Variants in TNS3 observed in about 807,000 individuals in gnomAD.
TNS3 encodes tensin 3.
A neutral mutation model predicts 140.9 loss-of-function variants in TNS3; 45 were observed. The ratio of observed to expected loss-of-function variants is 0.32; its 90% CI spans 0.25 to 0.41. TNS3 has a LOEUF of 0.41. Among genes scored for constraint, TNS3 ranks in the 10% least tolerant of loss-of-function variants. The probability of loss-of-function intolerance (pLI) is 1.00; values close to 1 mark genes in which losing one functional copy is unlikely to be tolerated. For synonymous variants in TNS3, 815 were observed against 788.4 expected, an observed-to-expected ratio of 1.03 and a Z score of -0.56; for missense variants, 1,716 against 1,906.7, an observed-to-expected ratio of 0.90 and a Z score of 1.86.
In TNS3 at chr7:47,411,751, G is replaced by C; in HGVS notation, c.699C>G (p.Ala233=). The change falls in exon 13 of 31, where the codon GCC becomes GCG. Residue 233 remains alanine (A), a synonymous_variant. Coordinates refer to ENST00000311160, the MANE Select transcript of TNS3 (RefSeq NM_022748.12). ...PSRICIVIEP[A]QLLKGDVMVK... is the part of the protein sequence containing the mutation. The stretch of plus-strand genomic sequence containing the variant: ...CCATGACATCTCCCTTCAGAAGCTG[G>C]GCCGGCTCGATGACGATGCAGATCC... The C allele has an allele frequency of 6.2e-7, 1 of 1,612,920 alleles. No homozygotes were observed. The highest frequency in any genetic ancestry group is 1.3e-5 in the African/African-American group (1 of 75,026).
chr7:47,284,863 G>A lies in TNS3; in HGVS notation c.3929-998C>T, dbSNP rs150028457. On this transcript the variant is annotated intron_variant, in intron 27 of 30. Coordinates refer to ENST00000311160, the MANE Select transcript of TNS3 (RefSeq NM_022748.12). ...AGCACTCGGATGCACGGTACGCGCT[G>A]GGTAGTGTTGTCTCCCTCGGCCGTG... is the stretch of plus-strand genomic sequence containing the variant. Among the ~76,000 whole-genome samples, 411 of 152,360 alleles carry A rather than the reference G, an allele frequency of 2.7e-3. 3 individuals are homozygous for A. Among genetic ancestry groups the A allele is most frequent in the Middle Eastern group, 0.02 (6 of 294 alleles).
intron 3 of TNS3, among the ~76,000 whole-genome samples, chr7:47,485,535 C>G (rs1797579566): frequency 1.3e-5 from 2 of 152,220 alleles, no homozygotes; most frequent in African/African-American, 4.8e-5. Context: ...GAGGTGACAA[C>G]AGTGAGACAA....
intron 3 of TNS3, among the ~76,000 whole-genome samples, chr7:47,501,433 G>A (rs1306963437): frequency 1.3e-5 from 2 of 152,146 alleles, no homozygotes; most frequent in African/African-American, 2.4e-5. Context: ...CTGAAGGTGG[G>A]GACGAGAGTC....
chr7:47,498,190 C>T (rs908147636), intron 3 of TNS3, among the ~76,000 whole-genome samples: 42 of 152,316 alleles, frequency 2.8e-4, no homozygotes, highest in African/African-American at 9.6e-4. Context: ...TCCAGGGCAC[C>T]TCGAAAGCCC....
chr7:47,497,659 T>C (rs1798060578), intron 3 of TNS3, among the ~76,000 whole-genome samples: 1 of 42,560 alleles, frequency 2.3e-5, no homozygotes, highest in South Asian at 1.2e-3. Flanking sequence ...GTTTCACGTA[T>C]GGAACACACA....
At chr7:47,297,244 T>C (rs1308319129) in intron 23 of TNS3, 31 bp from the exon 24 acceptor site, 2 of 1,592,160 alleles carry the variant, frequency 1.3e-6, no homozygotes, top group Middle Eastern at 1.7e-4. Context: ...GACAAGAAGG[T>C]CTGCCGGGTG....
chr7:47,545,345 G>C (rs1252951977), intron 1 of TNS3, among the ~76,000 whole-genome samples: 1 of 152,052 alleles, frequency 6.6e-6, no homozygotes, highest in Non-Finnish European at 1.5e-5. Flanking sequence ...TCACCATATT[G>C]GCCAGACTGG....
At chr7:47,364,277 ATTTTTTTTTTTTT>A (rs10566032) in intron 17 of TNS3, among the ~76,000 whole-genome samples, 1 of 110,642 alleles carries the variant, frequency 9.0e-6, no homozygotes, top group Non-Finnish European at 1.8e-5. Flanking sequence ...GTAAGCAATA[ATTTTTTTTTTTTT>A]TTTTTTTTTT....
intron 1 of TNS3, among the ~76,000 whole-genome samples, chr7:47,553,874 C>T (rs1490876233): frequency 1.3e-5 from 2 of 151,872 alleles, no homozygotes; most frequent in Non-Finnish European, 2.9e-5. Context: ...CTGCAGCCTC[C>T]GGCTCACTGC....
chr7:47,464,536 G>A lies in TNS3; in HGVS notation c.-76+16567C>T, dbSNP rs114814099. 8.0e-3 allele frequency among the ~76,000 whole-genome samples: 1,213 copies of A among 152,254 alleles called. 19 individuals carry two copies. Among genetic ancestry groups the A allele is most frequent in the African/African-American group, 0.028 (1,156 of 41,526 alleles). ...GTCATCTCCTAGAACAGGCTGAACA[G>A]ACTTCAGTTTGCATCAGAACCACCA... On this transcript the variant is annotated intron_variant, in intron 4 of 30. Coordinates refer to ENST00000311160, the MANE Select transcript of TNS3 (RefSeq NM_022748.12).
intron 28 of TNS3, among the ~76,000 whole-genome samples, chr7:47,282,480 C>A (rs1785197744): frequency 6.7e-6 from 1 of 149,998 alleles, no homozygotes; most frequent in East Asian, 2.0e-4. Context: ...CTGAGCCTTG[C>A]CTGTGACCCT....
chr7:47,371,859 T>C (rs1456071175), intron 16 of TNS3, among the ~76,000 whole-genome samples: 1 of 152,202 alleles, frequency 6.6e-6, no homozygotes, highest in African/African-American at 2.4e-5. Context: ...AGTCCACCCT[T>C]AGGGTTCTAC....
chr7:47,424,065 C>A, intron 10 of TNS3, 36 bp downstream of exon 10: 8 of 1,599,102 alleles, frequency 5.0e-6, no homozygotes, highest in Non-Finnish European at 6.9e-6. Context: ...AAATTTCATT[C>A]ACCTCTTCAC....
intron 1 of TNS3, among the ~76,000 whole-genome samples, chr7:47,542,135 T>C (rs1799805467): frequency 6.6e-6 from 1 of 152,088 alleles, no homozygotes; most frequent in South Asian, 2.1e-4. Context: ...AGAGAATACA[T>C]AGTCTCTAAA....
At chr7:47,470,406 G>C (rs1796902828) in intron 4 of TNS3, 1 of 957,264 alleles carries the variant, frequency 1.0e-6, no homozygotes, top group African/African-American at 1.8e-5. Context: ...GACCACTCTA[G>C]AATCTGTGCC....
intron 2 of TNS3, among the ~76,000 whole-genome samples, chr7:47,513,706 T>C (rs537709055): frequency 2.7e-4 from 41 of 152,350 alleles, no homozygotes; most frequent in Middle Eastern, 3.4e-3. Context: ...TCCATGCAAG[T>C]AGGCTCCACC....
intron 17 of TNS3, among the ~76,000 whole-genome samples, chr7:47,366,432 G>A (rs909451709): frequency 6.6e-6 from 1 of 152,224 alleles, no homozygotes; most frequent in African/African-American, 2.4e-5. Context: ...GGATGTGAAC[G>A]AGCGTTTCTT....
At chr7:47,539,423 G>C (rs1799718545) in intron 1 of TNS3, 1 of 328,654 alleles carries the variant, frequency 3.0e-6, no homozygotes, top group South Asian at 2.6e-5. Context: ...GCAAGAAACA[G>C]TGCTCAATCC....
rs576033839 is a variant in TNS3 at position 47,497,181 on chromosome 7, T to C, written c.-115+9726A>G. Among the ~76,000 whole-genome samples, 161 of 152,280 alleles carry C rather than the reference T, an allele frequency of 1.1e-3. 3 individuals are homozygous for C. Among genetic ancestry groups the C allele is most frequent in the African/African-American group, 3.4e-3 (141 of 41,560 alleles). ...TTCTTGTCATTTAACAGTTAATAAATAAAATGCATAGTGATTTATGCTAGC... is the reference window on the plus strand; with the variant it reads ...TTCTTGTCATTTAACAGTTAATAAACAAAATGCATAGTGATTTATGCTAGC... On this transcript the variant is annotated intron_variant, in intron 3 of 30. Transcript: ENST00000311160.
Sources: allele counts gnomAD v4.1 joint callset (sites outside exome capture counted in the v4.1 genomes callset), GRCh38; gene constraint gnomAD v4.1.1; transcripts MANE v1.5; gene names NCBI Gene and HGNC (gene_info 2026-07-23, HGNC 2026-07-21).